Variants in FBXL2 observed in about 807,000 individuals in gnomAD.
FBXL2 encodes F-box and leucine rich repeat protein 2, also known as F-box/LRR-repeat protein 2.
A neutral mutation model predicts 69.2 loss-of-function variants in FBXL2; 38 were observed. The observed-to-expected ratio is 0.55, with a 90% CI of 0.42 to 0.72. The LOEUF is 0.72. Among genes scored for constraint, FBXL2 ranks in the 30% least tolerant of loss-of-function variants. The pLI, the probability that FBXL2 is intolerant of heterozygous loss-of-function variation, is 0.00. For missense variants in FBXL2, 354 were observed against 520.3 expected (o/e 0.68, Z 3.11); for synonymous variants, 192 against 201.3 (o/e 0.95, Z 0.39).
chr3:33,309,889 A>C (rs1443801352), intron 2 of FBXL2, among the ~76,000 whole-genome samples: 1 of 152,144 alleles, frequency 6.6e-6, no homozygotes, highest in Non-Finnish European at 1.5e-5. Flanking sequence ...GGCCAGGCAT[A>C]GTGGCTCACG....
At chr3:33,358,081 AG>A (rs2041341908) in intron 2 of FBXL2, among the ~76,000 whole-genome samples, 1 of 152,208 alleles carries the variant, frequency 6.6e-6, no homozygotes, top group Non-Finnish European at 1.5e-5. Context: ...GGAACATTAT[AG>A]GTGGCTGTTC....
At chr3:33,313,343 C>G (rs1476254273) in intron 2 of FBXL2, among the ~76,000 whole-genome samples, 1 of 151,826 alleles carries the variant, frequency 6.6e-6, no homozygotes, top group Non-Finnish European at 1.5e-5. Flanking sequence ...GTTACATAAC[C>G]TTTCCTTCCA....
intron 2 of FBXL2, among the ~76,000 whole-genome samples, chr3:33,301,368 G>A (rs944048552): frequency 6.6e-6 from 1 of 152,086 alleles, no homozygotes; most frequent in African/African-American, 2.4e-5. Flanking sequence ...GACTGCTTCT[G>A]TTACTGCCAT....
At chr3:33,346,889 G>A (rs2040481948) in intron 2 of FBXL2, among the ~76,000 whole-genome samples, 1 of 152,138 alleles carries the variant, frequency 6.6e-6, no homozygotes, top group African/African-American at 2.4e-5. Context: ...GAGATACTTT[G>A]ATACAGGCAT....
intron 2 of FBXL2, among the ~76,000 whole-genome samples, chr3:33,350,278 GA>G (rs1306796836): frequency 1.3e-5 from 2 of 151,844 alleles, no homozygotes; most frequent in Non-Finnish European, 1.5e-5. Flanking sequence ...ACAGACTAAA[GA>G]AAAAAATCAT....
intron 2 of FBXL2, among the ~76,000 whole-genome samples, chr3:33,353,586 C>T (rs1356871000): frequency 6.6e-6 from 1 of 152,114 alleles, no homozygotes; most frequent in Non-Finnish European, 1.5e-5. Context: ...AAAACTATAG[C>T]GACATTAGAA....
Position 33,386,704 on chromosome 3 carries a change from G to T in FBXL2, c.*1096G>T, listed in dbSNP as rs2043458340. 1 of 152,138 alleles carries T rather than the reference G, an allele frequency of 6.6e-6. No homozygotes were observed. The highest frequency in any genetic ancestry group is 2.1e-4 in the South Asian group (1 of 4,816). The allele number at this position is 152,138 out of a possible 1,614,324, so 9.4% of individuals were successfully genotyped here. On this transcript the variant is annotated 3_prime_UTR_variant, in exon 15 of 15. Transcript: ENST00000484457. ...CAAGCAAAACCATTTTCCAAATGCA[G>T]ACCTTCCTGATGTTATCTGAAATCT...
intron 2 of FBXL2, among the ~76,000 whole-genome samples, chr3:33,328,772 C>T (rs192192405): frequency 9.3e-5 from 14 of 150,798 alleles, no homozygotes; most frequent in South Asian, 2.1e-4. Flanking sequence ...CACTCCAGGA[C>T]GTTGGTTTGG....
chr3:33,349,693 G>A (rs2040697068), intron 2 of FBXL2, among the ~76,000 whole-genome samples: 1 of 152,022 alleles, frequency 6.6e-6, no homozygotes, highest in African/African-American at 2.4e-5. Flanking sequence ...TTCTTCAAAT[G>A]TTTGGCAGAA....
chr3:33,340,598 A>G (rs2039941245), intron 2 of FBXL2, among the ~76,000 whole-genome samples: 1 of 149,668 alleles, frequency 6.7e-6, no homozygotes, highest in East Asian at 2.0e-4. Context: ...AAAAAAAAAA[A>G]AGAAGGAAGT....
At chr3:33,420,314 G>A in the FBXL2 span, among the ~76,000 whole-genome samples, 1 of 151,766 alleles carries the variant, frequency 6.6e-6, no homozygotes, top group Non-Finnish European at 1.5e-5. Flanking sequence ...ACTTATAGCT[G>A]TACTTTATTA....
intron 5 of FBXL2, among the ~76,000 whole-genome samples, chr3:33,366,543 A>C (rs1480336570): frequency 6.6e-6 from 1 of 152,204 alleles, no homozygotes; most frequent in Non-Finnish European, 1.5e-5. Context: ...GCATACCTGT[A>C]GTCCTAGCTA....
chr3:33,287,280 A>G (rs1559488855), intron 1 of FBXL2, among the ~76,000 whole-genome samples: 1 of 152,246 alleles, frequency 6.6e-6, no homozygotes, highest in East Asian at 1.9e-4. Flanking sequence ...AGATTTCTCT[A>G]TTAATTTTCT....
chr3:33,293,304 TC>T (rs1269501233), intron 1 of FBXL2, among the ~76,000 whole-genome samples: 1 of 152,214 alleles, frequency 6.6e-6, no homozygotes, highest in Non-Finnish European at 1.5e-5. Flanking sequence ...GCAGGTTCTA[TC>T]ACTATCCGTA....
At chr3:33,394,400 A>T (rs377462294) in intron 12 of FBXL2, among the ~76,000 whole-genome samples, 57 of 152,228 alleles carry the variant, frequency 3.7e-4, no homozygotes, top group African/African-American at 1.4e-3. Flanking sequence ...ATCCTAAGGA[A>T]TAAAAGCTAT....
rs540899182 is a variant in FBXL2 at position 33,379,217 on chromosome 3, G to C, written c.951+476G>C. On this transcript the variant is annotated intron_variant, in intron 13 of 14. Transcript: ENST00000484457. ...GGGTTTCACCATGTTGGCCAGGCTG[G>C]TCTCGAACTCCTGACCTCAGGTGAT... 2.0e-5 allele frequency among the ~76,000 whole-genome samples: 3 copies of C among 151,972 alleles called. No individual in the cohort carries two copies. In the South Asian group the frequency reaches 6.2e-4, roughly 32 times the overall value.
chr3:33,396,078 C>T, intron 12 of FBXL2: 1 of 1,281,204 alleles, frequency 7.8e-7, no homozygotes, highest in Non-Finnish European at 1.1e-6. Context: ...AGCAAGAGTT[C>T]TCCAAAGCCT....
intron 1 of FBXL2, among the ~76,000 whole-genome samples, chr3:33,296,994 C>T (rs2035807712): frequency 6.6e-6 from 1 of 152,172 alleles, no homozygotes; most frequent in African/African-American, 2.4e-5. Context: ...GCGTTGCTAA[C>T]ATAACACTAG....
intron 9 of FBXL2, 73 bp downstream of exon 9, chr3:33,373,994 T>TG: frequency 7.7e-6 from 11 of 1,430,116 alleles, no homozygotes; most frequent in Non-Finnish European, 8.9e-6. Context: ...CAGGCCTCCC[T>TG]GCAGCCCCCT....
Sources: gnomAD v4.1 joint callset for allele counts (sites outside exome capture counted in the v4.1 genomes callset) on GRCh38, gnomAD v4.1.1 for gene constraint, MANE v1.5 for transcripts, NCBI Gene and HGNC (gene_info 2026-07-23, HGNC 2026-07-21) for gene names.